Variants in ATP7B observed in about 807,000 individuals in gnomAD.
The protein encoded by ATP7B is copper-transporting ATPase 2.
Under a neutral mutation model 118.9 loss-of-function variants are expected in ATP7B, and 113 were observed. The ratio of observed to expected loss-of-function variants is 0.95; its 90% CI spans 0.82 to 1.11. ATP7B has a LOEUF of 1.11. Among genes scored for constraint, ATP7B ranks in the 50% most tolerant of loss-of-function variants. The pLI, the probability that ATP7B is intolerant of heterozygous loss-of-function variation, is 0.00. For missense variants in ATP7B, 1,867 were observed against 1,871.4 expected (o/e 1.00, Z 0.04); for synonymous variants, 777 against 727.4 (o/e 1.07, Z -1.10).
chr13:51,942,318 C>G (rs113218782), intron 15 of ATP7B, 68 bp downstream of exon 15: 1 of 1,604,146 alleles, frequency 6.2e-7, no homozygotes, highest in African/African-American at 1.3e-5. Flanking sequence ...CACTGCTGGG[C>G]GTGGTGCTCT....
intron 1 of ATP7B, among the ~76,000 whole-genome samples, chr13:51,990,826 A>T (rs998002635): frequency 6.6e-6 from 1 of 152,276 alleles, no homozygotes; most frequent in African/African-American, 2.4e-5. Context: ...ACAATGGCTC[A>T]TACCTGTAAT....
intron 1 of ATP7B, among the ~76,000 whole-genome samples, chr13:52,000,091 C>CCT (rs1483397068): frequency 6.6e-6 from 1 of 152,200 alleles, no homozygotes; most frequent in Non-Finnish European, 1.5e-5. Flanking sequence ...AGCCCTTGGA[C>CCT]CTCTTCCATC....
chr13:51,950,364 C>A lies in ATP7B; in HGVS notation c.2483G>T (p.Gly828Val). 1.2e-6 allele frequency: 2 copies of A among 1,614,180 alleles called. No individual in the cohort carries two copies. Among genetic ancestry groups the A allele is most frequent in the Non-Finnish European group, 1.7e-6 (2 of 1,180,032 alleles). The part of the protein sequence containing the change: ...EQVPMELVQR[G>V]DIVKVVPGGK... ...CCCAGGGACCACCTTGACGATATCG[C>A]CCCGCTGCACCAGCTCCATGGGGAC... Residue 828 changes from glycine to valine, a missense_variant, in exon 10 of 21, where the codon GGC (glycine) becomes GTC (valine). Gly to Val is a moderately radical substitution (Grantham distance 109, BLOSUM62 -3). Transcript: ENST00000242839.
chr13:51,965,956 C>G (rs926807110), intron 4 of ATP7B, among the ~76,000 whole-genome samples: 2 of 152,160 alleles, frequency 1.3e-5, no homozygotes, highest in Non-Finnish European at 2.9e-5. Flanking sequence ...GGGAGCTCAT[C>G]TGCAATCAGA....
intron 1 of ATP7B, among the ~76,000 whole-genome samples, chr13:51,983,085 G>T (rs1362418885): frequency 1.3e-5 from 2 of 152,178 alleles, no homozygotes; most frequent in African/African-American, 4.8e-5. Context: ...CGCCTGGAAA[G>T]GTGGCTGAAG....
At chr13:51,966,732 C>T (rs1593759356) in intron 4 of ATP7B, 10 of 1,576,682 alleles carry the variant, frequency 6.3e-6, no homozygotes, top group Non-Finnish European at 8.6e-6. Flanking sequence ...CCAGCCCGCC[C>T]GCACCCACCA....
chr13:51,935,545 A>G, intron 20 of ATP7B, 48 bp downstream of exon 20: 1 of 1,557,944 alleles, frequency 6.4e-7, no homozygotes, highest in East Asian at 2.3e-5. Context: ...GCAGAATGAC[A>G]AGGCCTCCTG....
rs1438165343 is a variant in ATP7B, at chr13:51,974,826, A to C, written c.394T>G (p.Ser132Ala). The C allele has an allele frequency of 1.2e-6, 2 of 1,614,062 alleles. No individual in the cohort carries two copies. Among genetic ancestry groups the C allele is most frequent in the Non-Finnish European group, 1.7e-6 (2 of 1,180,036 alleles). The change falls in exon 2 of 21, where the codon TCC becomes GCC. Residue 132 changes from serine to alanine, a missense_variant. Physicochemically the swap from Ser to Ala is moderately conservative, Grantham distance 99. Coordinates refer to ENST00000242839, the MANE Select transcript of ATP7B (RefSeq NM_000053.4). ...EASIAEGKAA[S>A]WPSRSLPAQE... ...GCAGGCAAGGACCTTGAGGGCCAGG[A>C]GGCTGCCTTTCCTTCTGCAATGCTG...
At chr13:52,011,230 G>A in intron 1 of ATP7B, 57 bp downstream of exon 1, 15 of 1,613,836 alleles carry the variant, frequency 9.3e-6, no homozygotes, top group Non-Finnish European at 1.2e-5. Context: ...ACGCGGGGAG[G>A]AAAATCCTCC....
rs758435438 is a variant in ATP7B, at chr13:51,975,354, C to T, written c.52-186G>A. Reference sequence around the variant, plus strand: ...CATCTACAAAATGAAAGAGCTCTGACATTCTTCTCTGACAGAAGCTAACTG... The same window carrying T: ...CATCTACAAAATGAAAGAGCTCTGATATTCTTCTCTGACAGAAGCTAACTG... On this transcript the variant is annotated intron_variant, in intron 1 of 20. Coordinates refer to ENST00000242839, the MANE Select transcript of ATP7B (RefSeq NM_000053.4). The T allele has an allele frequency of 1.4e-5, 12 of 828,324 alleles. No homozygotes were observed. In the East Asian group the frequency reaches 3.0e-4, roughly 21 times the overall value. 51.3% of individuals were successfully genotyped at this position (828,324 alleles called of 1,614,324 possible).
chr13:52,000,921 G>A (rs1178394835), intron 1 of ATP7B, among the ~76,000 whole-genome samples: 1 of 152,222 alleles, frequency 6.6e-6, no homozygotes, highest in African/African-American at 2.4e-5. Flanking sequence ...TCAGAAGGCT[G>A]AGGTGGGAGG....
rs936464874 is a variant in ATP7B at position 51,933,076 on chromosome 13, G to C, written c.*1680C>G. 6.6e-6 allele frequency: 1 copy of C among 152,192 alleles called. No individual in the cohort carries two copies. The highest frequency in any genetic ancestry group is 1.5e-5 in the Non-Finnish European group (1 of 68,036). The allele number at this position is 152,192 out of a possible 1,614,324, so 9.4% of individuals were successfully genotyped here. ...GTAAAAAGTGAAACTAACCATCCAA[G>C]GTGAAGGTCAGATGACCTCCTGAAT... On this transcript the variant is annotated 3_prime_UTR_variant, in exon 21 of 21. Coordinates refer to ENST00000242839, the MANE Select transcript of ATP7B (RefSeq NM_000053.4).
At chr13:51,949,927 A>G in intron 11 of ATP7B, 80 bp downstream of exon 11, 2 of 1,611,828 alleles carry the variant, frequency 1.2e-6, no homozygotes, top group Non-Finnish European at 1.7e-6. Context: ...TACTCAATAA[A>G]ACTGTCTGAT....
At position 51,937,682 on chromosome 13, in the gene ATP7B, A is replaced by G; in HGVS notation, c.3700-3T>C. On this transcript the variant is annotated splice_polypyrimidine_tract_variant and splice_region_variant and intron_variant, in intron 17 of 20. Transcript: ENST00000242839. ...GCAAAGACTTTGTTGATGCCAACCT[A>G]AGACAAAAGGAAGGCAATGCCTAGT... 6.2e-7 allele frequency: 1 copy of G among 1,614,152 alleles called. No homozygotes were observed. The highest frequency in any genetic ancestry group is 8.5e-7 in the Non-Finnish European group (1 of 1,180,026).
chr13:51,989,346 G>A (rs1952804382), intron 1 of ATP7B, among the ~76,000 whole-genome samples: 2 of 151,966 alleles, frequency 1.3e-5, no homozygotes, highest in Admixed American at 1.3e-4. Context: ...CACATAGGAG[G>A]GCCTACTATG....
At chr13:51,982,314 T>G (rs1289841063) in intron 1 of ATP7B, among the ~76,000 whole-genome samples, 1 of 152,210 alleles carries the variant, frequency 6.6e-6, no homozygotes, top group Non-Finnish European at 1.5e-5. Flanking sequence ...CTTGAGGGTA[T>G]GTCTGAGAGT....
At chr13:51,965,433 C>T (rs142435749) in intron 4 of ATP7B, among the ~76,000 whole-genome samples, 6 of 152,324 alleles carry the variant, frequency 3.9e-5, no homozygotes, top group South Asian at 4.1e-4. Flanking sequence ...AAATACTCTC[C>T]GTAATCCTGA....
chr13:51,957,514 A>G lies in ATP7B; in HGVS notation c.2447+2T>C. The stretch of plus-strand genomic sequence containing the variant: ...CAAAGACATTTGATAACCATAACTC[A>G]CCTGATGATTAAATTGTCCTCACCA... On this transcript the variant is annotated splice_donor_variant, in intron 9 of 20. Transcript: ENST00000242839. LOFTEE classifies it high-confidence loss of function. The G allele has an allele frequency of 6.2e-7, 1 of 1,612,676 alleles. No individual in the cohort carries two copies.
At chr13:51,975,351 T>A in intron 1 of ATP7B, 183 bp from the exon 2 acceptor site, 1 of 821,186 alleles carries the variant, frequency 1.2e-6, no homozygotes, top group East Asian at 2.5e-5. Flanking sequence ...GAAAGAGCTC[T>A]GACATTCTTC....
Sources: allele counts gnomAD v4.1 joint callset (sites outside exome capture counted in the v4.1 genomes callset), GRCh38; gene constraint gnomAD v4.1.1; transcripts MANE v1.5; gene names NCBI Gene and HGNC (gene_info 2026-07-23, HGNC 2026-07-21).